ELAVL3: variants seen among roughly 807,000 people sequenced by gnomAD.
ELAVL3 encodes ELAV-like protein 3.
In ELAVL3, 8 loss-of-function variants were observed where a neutral mutation model predicts 34.2. That is an observed-to-expected ratio of 0.23 (90% CI 0.14 to 0.42). The LOEUF (loss-of-function observed/expected upper bound fraction) is 0.42, where lower values mean the gene tolerates loss of function less well. ELAVL3 is among the 10% of genes least tolerant of loss of function. ELAVL3 has a pLI of 1.00. For missense variants in ELAVL3, 273 were observed against 518.8 expected (o/e 0.53, Z 4.60); for synonymous variants, 209 against 222.1 (o/e 0.94, Z 0.53).
chr19:11,454,465 C>CTG lies in ELAVL3; in HGVS notation c.*60_*61insCA. On this transcript the variant is annotated 3_prime_UTR_variant, in exon 7 of 7. Transcript: ENST00000359227. The surrounding 1 kb of genome is among the most constrained non-coding windows in gnomAD (Gnocchi z 9.2). ...TTGGGCCCCTTCTCTCTCTCTCTCT[C>CTG]TCTTTCTCTCTCTCTCTCTCTGCTG... The CTG allele has an allele frequency of 7.2e-7, 1 of 1,379,958 alleles. No homozygotes were observed. Among genetic ancestry groups the CTG allele is most frequent in the African/African-American group, 1.4e-5 (1 of 69,050 alleles). The allele number at this position is 1,379,958 out of a possible 1,614,324, so 85.5% of individuals were successfully genotyped here.
intron 3 of ELAVL3, among the ~76,000 whole-genome samples, chr19:11,464,546 CTG>C (rs1157430963): frequency 3.3e-5 from 5 of 149,868 alleles, no homozygotes; most frequent in Admixed American, 6.8e-5. Flanking sequence ...ATCATAAACA[CTG>C]TATCTCACAA....
chr19:11,458,046 T>C lies in ELAVL3; in HGVS notation c.713+15A>G. ...GGCACCCGGCCTGGGGCCATCTGGCTGGCAGGGGGCTCACCGGAAACGCTG... is the reference window on the plus strand; with the variant it reads ...GGCACCCGGCCTGGGGCCATCTGGCCGGCAGGGGGCTCACCGGAAACGCTG... On this transcript the variant is annotated intron_variant, in intron 5 of 6. Coordinates refer to ENST00000359227, the MANE Select transcript of ELAVL3 (RefSeq NM_001420.4). This position sits in a 1 kb window ranked among gnomAD's most constrained non-coding sequence, Gnocchi z 7.3. The C allele has an allele frequency of 6.2e-7, 1 of 1,608,944 alleles. No homozygotes were observed. The highest frequency in any genetic ancestry group is 8.5e-7 in the Non-Finnish European group (1 of 1,179,646).
chr19:11,470,716 T>G (rs75989646), intron 1 of ELAVL3, among the ~76,000 whole-genome samples: 7,218 of 152,132 alleles, frequency 0.047, 213 homozygotes, highest in East Asian at 0.11. Context: ...TGGTATAAGT[T>G]AACTTTGCTA....
In ELAVL3 at chr19:11,480,546, T is replaced by C; in HGVS notation, c.9+54A>G. 1.4e-6 allele frequency: 2 copies of C among 1,427,830 alleles called. No individual in the cohort carries two copies. The highest frequency in any genetic ancestry group is 2.0e-4 in the Middle Eastern group (1 of 4,884). The allele number at this position is 1,427,830 out of a possible 1,614,324, so 88.4% of individuals were successfully genotyped here. A position where few individuals can be genotyped will look rare whatever the true frequency, so the allele number is the denominator to read the frequency against. On this transcript the variant is annotated intron_variant, in intron 1 of 6. Coordinates refer to ENST00000359227, the MANE Select transcript of ELAVL3 (RefSeq NM_001420.4). The surrounding 1 kb of genome is among the most constrained non-coding windows in gnomAD (Gnocchi z 6.8). ...GCACCCGCCCAATCTCCGCGGAGCC[T>C]GGGCCCAACTCCTCCCCGTCCCGAT...
intron 1 of ELAVL3, among the ~76,000 whole-genome samples, chr19:11,469,095 T>TC (rs1379898217): frequency 1.3e-5 from 2 of 152,034 alleles, no homozygotes; most frequent in African/African-American, 4.8e-5. Flanking sequence ...ACTTTTTTTT[T>TC]CTTTGTATTT....
In ELAVL3 at chr19:11,480,289, C is replaced by A; in HGVS notation, c.9+311G>T. 2.9e-6 allele frequency: 1 copy of A among 346,996 alleles called. No homozygotes were observed. The highest frequency in any genetic ancestry group is 4.3e-5 in the East Asian group (1 of 23,052). 21.5% of individuals were successfully genotyped at this position (346,996 alleles called of 1,614,324 possible). On this transcript the variant is annotated intron_variant, in intron 1 of 6. Coordinates refer to ENST00000359227, the MANE Select transcript of ELAVL3 (RefSeq NM_001420.4). The surrounding 1 kb of genome is among the most constrained non-coding windows in gnomAD (Gnocchi z 6.8). ...GTCTGGGCCTGGATGGAGGAAGCAT[C>A]CTTAGCCGCCGCGGCCCCTCCCCCA...
rs1278967289 is a variant in ELAVL3, at chr19:11,464,139, C to T, written c.333+2033G>A. Among the ~76,000 whole-genome samples, 6 of 107,008 alleles carry T rather than the reference C, an allele frequency of 5.6e-5. No individual in the cohort carries two copies. In the East Asian group the frequency reaches 8.7e-4, roughly 15 times the overall value. 70.2% of individuals were successfully genotyped at this position (107,008 alleles called of 152,430 possible). A position where few individuals can be genotyped will look rare whatever the true frequency, so the allele number is the denominator to read the frequency against. ...TCTCTCTCTGTCTCTCTCTCTCTCT[C>T]TCTCTCTCTCTCTATATATATATAT... On this transcript the variant is annotated intron_variant, in intron 3 of 6. Coordinates refer to ENST00000359227, the MANE Select transcript of ELAVL3 (RefSeq NM_001420.4).
intron 3 of ELAVL3, among the ~76,000 whole-genome samples, chr19:11,465,344 A>G (rs1568383081): frequency 6.7e-6 from 1 of 148,292 alleles, no homozygotes; most frequent in Non-Finnish European, 1.5e-5. Context: ...CCACACACAC[A>G]TGCGTACACA....
rs532683569 is a variant in ELAVL3 at position 11,452,474 on chromosome 19, CTTTT to C, written c.*2048_*2051del. The C allele has an allele frequency of 2.4e-5, 3 of 126,914 alleles. No individual in the cohort carries two copies. Among genetic ancestry groups the C allele is most frequent in the Non-Finnish European group, 3.5e-5 (2 of 57,748 alleles). 7.9% of individuals were successfully genotyped at this position (126,914 alleles called of 1,614,324 possible). On this transcript the variant is annotated 3_prime_UTR_variant, in exon 7 of 7. Transcript: ENST00000359227. ...AAAGTTAACTGGTGCCAGTTTATGT[CTTTT>C]TTTTTTTTCCTTTTTTTTTTTTAAA...
intron 1 of ELAVL3, among the ~76,000 whole-genome samples, chr19:11,473,091 C>T (rs1365133587): frequency 1.4e-5 from 2 of 147,874 alleles, no homozygotes; most frequent in African/African-American, 2.5e-5. Context: ...AGAGGCAGGG[C>T]GCGGTGGCTC....
intron 1 of ELAVL3, among the ~76,000 whole-genome samples, chr19:11,472,470 G>A (rs915505777): frequency 6.6e-6 from 1 of 152,216 alleles, no homozygotes; most frequent in Non-Finnish European, 1.5e-5. Flanking sequence ...GGAGGCCGAG[G>A]TGGGAGGACT....
intron 1 of ELAVL3, among the ~76,000 whole-genome samples, chr19:11,470,472 C>T (rs1971141684): frequency 6.6e-6 from 1 of 151,618 alleles, no homozygotes; most frequent in African/African-American, 2.4e-5. Flanking sequence ...TCGAGACCAG[C>T]CCGACCAACA....
At chr19:11,470,973 G>A (rs902943499) in intron 1 of ELAVL3, among the ~76,000 whole-genome samples, 2 of 152,140 alleles carry the variant, frequency 1.3e-5, no homozygotes, top group African/African-American at 4.8e-5. Flanking sequence ...AGTCTCCCAA[G>A]TAGCTAGGAC....
chr19:11,480,502 T>C lies in ELAVL3; in HGVS notation c.9+98A>G, dbSNP rs1971355070. 4 of 1,037,452 alleles carry C rather than the reference T, an allele frequency of 3.9e-6. No individual in the cohort carries two copies. Among genetic ancestry groups the C allele is most frequent in the South Asian group, 4.1e-5 (2 of 49,312 alleles). 64.3% of individuals were successfully genotyped at this position (1,037,452 alleles called of 1,614,324 possible). On this transcript the variant is annotated intron_variant, in intron 1 of 6. Coordinates refer to ENST00000359227, the MANE Select transcript of ELAVL3 (RefSeq NM_001420.4). This position sits in a 1 kb window ranked among gnomAD's most constrained non-coding sequence, Gnocchi z 6.8. ...CCCCCAACCCGGGCCTAGCTAGGCCTGGTCCTACCCCCCCCGCCGCACCCG... is the reference window on the plus strand; with the variant it reads ...CCCCCAACCCGGGCCTAGCTAGGCCCGGTCCTACCCCCCCCGCCGCACCCG...
intron 6 of ELAVL3, among the ~76,000 whole-genome samples, chr19:11,455,688 G>A (rs1970754388): frequency 6.6e-6 from 1 of 152,088 alleles, no homozygotes; most frequent in Admixed American, 6.6e-5. Context: ...CCACCTTGGA[G>A]TTCCAAAGTG....
In ELAVL3 at chr19:11,466,648, G is replaced by A. The variant is rs201699947; in HGVS notation, c.189C>T (p.Gly63=). The A allele has an allele frequency of 2.0e-5, 33 of 1,614,182 alleles. No individual in the cohort carries two copies. In the African/African-American group the frequency reaches 2.7e-4, roughly 13 times the overall value. The change falls in exon 2 of 7, where the codon GGC becomes GGT. Residue 63 remains glycine (G), a synonymous_variant. Coordinates refer to ENST00000359227, the MANE Select transcript of ELAVL3 (RefSeq NM_001420.4). This position sits in a 1 kb window ranked among gnomAD's most constrained non-coding sequence, Gnocchi z 5.0. ...DEFKSLFGSI[G]DIESCKLVRD... is the part of the protein sequence containing the mutation. ...GAACCAACTTGCAGGACTCGATGTC[G>A]CCAATGCTGCCGAAGAGACTCTTGA...
intron 6 of ELAVL3, among the ~76,000 whole-genome samples, chr19:11,456,069 TG>T (rs933623886): frequency 6.6e-6 from 1 of 151,978 alleles, no homozygotes; most frequent in African/African-American, 2.4e-5. Flanking sequence ...CAGATGGGAC[TG>T]GGGGGTCTCT....
At chr19:11,463,292 A>C (rs1010376507) in intron 3 of ELAVL3, among the ~76,000 whole-genome samples, 1 of 152,198 alleles carries the variant, frequency 6.6e-6, no homozygotes, top group African/African-American at 2.4e-5. Flanking sequence ...GGCAGCTGCC[A>C]TAGCGCCCAG....
chr19:11,465,797 G>A (rs371122715), intron 3 of ELAVL3, among the ~76,000 whole-genome samples: 6 of 142,202 alleles, frequency 4.2e-5, no homozygotes, highest in South Asian at 2.5e-4. Flanking sequence ...CCCCAATCCC[G>A]CCCTCCCAGA....
Sources: allele counts gnomAD v4.1 joint callset (sites outside exome capture counted in the v4.1 genomes callset), GRCh38; gene constraint gnomAD v4.1.1; non-coding constraint Gnocchi (gnomAD v3.1); transcripts MANE v1.5; gene names NCBI Gene and HGNC (gene_info 2026-07-23, HGNC 2026-07-21).